The following POU6F2 variants were observed in gnomAD, a reference collection of about 807,000 sequenced individuals.
POU6F2 encodes POU class 6 homeobox 2, also known as POU domain, class 6, transcription factor 2.
A neutral mutation model predicts 71.3 loss-of-function variants in POU6F2; 31 were observed. The ratio of observed to expected loss-of-function variants is 0.43; its 90% CI spans 0.33 to 0.59. POU6F2 has a LOEUF of 0.59. POU6F2 is among the 20% of genes least tolerant of loss of function. POU6F2 has a pLI of 0.04. For synonymous variants in POU6F2, 347 were observed against 355.7 expected (o/e 0.98, Z 0.27); for missense variants, 783 against 856.8 (o/e 0.91, Z 1.07).
At chr7:39,303,337 C>CGG (rs758455342) in intron 4 of POU6F2, among the ~76,000 whole-genome samples, 1 of 151,954 alleles carries the variant, frequency 6.6e-6, no homozygotes, top group Non-Finnish European at 1.5e-5. Context: ...TTAGTAGAGA[C>CGG]GGGGTTTCAC....
intron 5 of POU6F2, among the ~76,000 whole-genome samples, chr7:39,382,157 G>T (rs1786841413): frequency 6.6e-6 from 1 of 152,128 alleles, no homozygotes; most frequent in Non-Finnish European, 1.5e-5. Flanking sequence ...CAACCAGATT[G>T]GTTATCTGGC....
chr7:39,068,677 T>C (rs533066245), intron 1 of POU6F2, among the ~76,000 whole-genome samples: 173 of 152,246 alleles, frequency 1.1e-3, no homozygotes, highest in African/African-American at 4.1e-3. Flanking sequence ...ACTCCAAATT[T>C]TATAGCCCAG....
chr7:39,367,475 A>G (rs1786524748), intron 5 of POU6F2, among the ~76,000 whole-genome samples: 1 of 152,228 alleles, frequency 6.6e-6, no homozygotes, highest in Non-Finnish European at 1.5e-5. Flanking sequence ...CAGAAGAGGT[A>G]AGGGTTAAAC....
intron 4 of POU6F2, among the ~76,000 whole-genome samples, chr7:39,287,315 C>A (rs1352294767): frequency 6.6e-6 from 1 of 152,158 alleles, no homozygotes; most frequent in South Asian, 2.1e-4. Flanking sequence ...GGCTTGTGCG[C>A]GTGATATGGC....
intron 4 of POU6F2, among the ~76,000 whole-genome samples, chr7:39,320,969 T>C (rs1183082890): frequency 6.6e-6 from 1 of 152,054 alleles, no homozygotes; most frequent in Non-Finnish European, 1.5e-5. Flanking sequence ...AGTGGGAGGA[T>C]CGCTTGATCC....
chr7:39,085,834 C>G, intron 1 of POU6F2, 26 bp from the exon 2 acceptor site: 1 of 1,609,726 alleles, frequency 6.2e-7, no homozygotes, highest in Non-Finnish European at 8.5e-7. Context: ...TTTTTTCCTC[C>G]CCTTCACTCT....
At chr7:38,990,835 G>A (rs561062324) in intron 1 of POU6F2, among the ~76,000 whole-genome samples, 5 of 152,202 alleles carry the variant, frequency 3.3e-5, no homozygotes, top group South Asian at 4.1e-4. Context: ...CCAGCAATGC[G>A]GGAAATTGGG....
intron 4 of POU6F2, among the ~76,000 whole-genome samples, chr7:39,323,241 A>G (rs1785434092): frequency 6.6e-6 from 1 of 152,236 alleles, no homozygotes; most frequent in South Asian, 2.1e-4. Flanking sequence ...GAATTTCAGG[A>G]GAGGGGGCAG....
intron 4 of POU6F2, among the ~76,000 whole-genome samples, chr7:39,300,484 A>G (rs1384991512): frequency 3.9e-5 from 6 of 152,144 alleles, no homozygotes; most frequent in Non-Finnish European, 7.4e-5. Context: ...TTCAGCCCTC[A>G]CTTAACTTCG....
At chr7:39,020,125 G>C (rs999606704) in intron 1 of POU6F2, among the ~76,000 whole-genome samples, 5 of 152,224 alleles carry the variant, frequency 3.3e-5, no homozygotes, top group South Asian at 2.1e-4. Context: ...AAAAAAGCTA[G>C]CTCCCAATCT....
chr7:39,292,393 C>T (rs2128762472), intron 4 of POU6F2, among the ~76,000 whole-genome samples: 1 of 152,284 alleles, frequency 6.6e-6, no homozygotes, highest in South Asian at 2.1e-4. Flanking sequence ...GGCAGGGAGT[C>T]CTGGCCACTG....
chr7:39,361,127 T>C (rs1786381042), intron 5 of POU6F2, among the ~76,000 whole-genome samples: 2 of 152,212 alleles, frequency 1.3e-5, no homozygotes, highest in South Asian at 4.1e-4. Flanking sequence ...TGTCTATTTG[T>C]AGGTGGTGAT....
At chr7:39,172,388 T>C (rs554893900) in intron 2 of POU6F2, among the ~76,000 whole-genome samples, 1 of 152,178 alleles carries the variant, frequency 6.6e-6, no homozygotes, top group Non-Finnish European at 1.5e-5. Context: ...TACAGAGTAA[T>C]TCCTTGGTCA....
intron 5 of POU6F2, among the ~76,000 whole-genome samples, chr7:39,378,318 C>A (rs547859175): frequency 1.3e-5 from 2 of 152,318 alleles, no homozygotes; most frequent in African/African-American, 4.8e-5. Flanking sequence ...GATGTCATAG[C>A]TCTTGAGGCT....
chr7:39,201,200 A>G (rs1793895514), intron 2 of POU6F2, among the ~76,000 whole-genome samples: 1 of 152,162 alleles, frequency 6.6e-6, no homozygotes, highest in Non-Finnish European at 1.5e-5. Context: ...GACTTTTACA[A>G]CGTGATGCAT....
At chr7:39,038,871 AC>A (rs1004426026) in intron 1 of POU6F2, among the ~76,000 whole-genome samples, 4 of 151,882 alleles carry the variant, frequency 2.6e-5, no homozygotes, top group African/African-American at 9.7e-5. Flanking sequence ...GCTTCTTCTT[AC>A]CCCAGTATCT....
At chr7:39,381,512 G>A (rs796284347) in intron 5 of POU6F2, among the ~76,000 whole-genome samples, 25 of 152,236 alleles carry the variant, frequency 1.6e-4, no homozygotes, top group African/African-American at 6.0e-4. Context: ...AAAGTGCTAG[G>A]ATTGCAGGCA....
chr7:39,165,333 A>G (rs1201795020), intron 2 of POU6F2, among the ~76,000 whole-genome samples: 1 of 152,202 alleles, frequency 6.6e-6, no homozygotes, highest in Non-Finnish European at 1.5e-5. Context: ...ATTTATTTCC[A>G]CTAAAATTTG....
intron 2 of POU6F2, among the ~76,000 whole-genome samples, chr7:39,178,612 T>C (rs559586277): frequency 2.8e-4 from 43 of 152,336 alleles, no homozygotes; most frequent in African/African-American, 8.9e-4. Context: ...TCTACAAACC[T>C]TGTGATCTTC....
Sources: allele counts gnomAD v4.1 joint callset (sites outside exome capture counted in the v4.1 genomes callset), GRCh38; gene constraint gnomAD v4.1.1; transcripts MANE v1.5; gene names NCBI Gene and HGNC (gene_info 2026-07-23, HGNC 2026-07-21).